TASL: variants seen among roughly 807,000 people sequenced by gnomAD.
TASL encodes TLR adaptor interacting with endolysosomal SLC15A4, also known as TLR adapter interacting with SLC15A4 on the lysosome.
In TASL, 6 loss-of-function variants were observed where a neutral mutation model predicts 12.9. The ratio of observed to expected loss-of-function variants is 0.46; its 90% confidence interval spans 0.25 to 0.92. The LOEUF (loss-of-function observed/expected upper bound fraction) is 0.92. Among genes scored for constraint, TASL ranks in the 40% least tolerant of loss-of-function variants. TASL has a pLI of 0.17. For missense variants in TASL, 165 were observed against 212.8 expected (o/e 0.78, Z 1.40); for synonymous variants, 85 against 79.3 (o/e 1.07, Z -0.38).
rs1451854029 is a variant in TASL, at chrX:30,566,449, G to A, written c.-1-6093C>T. ...TTGAACCCAGGAGGTGGAGGTTGCA[G>A]TGAGCCGAGATTGAGCCACTGCACT... On this transcript the variant is annotated intron_variant, in intron 2 of 2. Transcript: ENST00000378962. Among the ~76,000 whole-genome samples, 11 of 111,425 alleles carry A rather than the reference G, an allele frequency of 9.9e-5. No homozygotes were observed. The East Asian group carries it at 3.1e-3, about 32-fold the overall frequency.
chrX:30,560,144 C>G lies in TASL; in HGVS notation c.212G>C (p.Arg71Thr), dbSNP rs1156520654. Reference sequence around the variant, plus strand: ...CTGACTTCTGCTATGTTGGCTCTCTCTTGAATGCACTGAAGAGATAAACTT... The same window carrying G: ...CTGACTTCTGCTATGTTGGCTCTCTGTTGAATGCACTGAAGAGATAAACTT... The part of the protein sequence containing the change: ...SGKFISSVHS[R>T]ESQHSRSQRV... The change falls in exon 3 of 3, where the codon AGA becomes ACA. Residue 71 changes from arginine (R) to threonine (T), a missense_variant. Physicochemically the swap from Arg to Thr is moderately conservative, Grantham distance 71 (BLOSUM62 -1). Coordinates refer to ENST00000378962, the MANE Select transcript of TASL (RefSeq NM_025159.3). 1.3e-5 allele frequency: 16 copies of G among 1,210,092 alleles called. No homozygotes were observed. Among genetic ancestry groups the G allele is most frequent in the Non-Finnish European group, 1.8e-5 (16 of 894,457 alleles).
At chrX:30,563,817 G>C (rs1487857135) in intron 2 of TASL, among the ~76,000 whole-genome samples, 4 of 111,935 alleles carry the variant, frequency 3.6e-5, no homozygotes, top group African/African-American at 1.3e-4. Context: ...TTCTAGGCAG[G>C]ATATTGGGAA....
At chrX:30,576,095 C>T (rs1930700217) in intron 2 of TASL, among the ~76,000 whole-genome samples, 1 of 111,713 alleles carries the variant, frequency 9.0e-6, no homozygotes, top group Non-Finnish European at 1.9e-5. Context: ...ATGTCAACTA[C>T]AAATGCAATG....
intron 2 of TASL, among the ~76,000 whole-genome samples, chrX:30,572,810 G>A (rs1457525547): frequency 1.8e-5 from 2 of 111,859 alleles, no homozygotes; most frequent in Non-Finnish European, 3.8e-5. Flanking sequence ...AGCCCTGCTG[G>A]CCTAGCAGGA....
intron 2 of TASL, among the ~76,000 whole-genome samples, chrX:30,575,460 C>T (rs943043585): frequency 9.0e-6 from 1 of 111,452 alleles, no homozygotes; most frequent in African/African-American, 3.3e-5. Context: ...GAAATAATCA[C>T]TTAATCACAT....
At chrX:30,570,685 A>G (rs1930580513) in intron 2 of TASL, among the ~76,000 whole-genome samples, 1 of 112,169 alleles carries the variant, frequency 8.9e-6, no homozygotes, top group South Asian at 3.7e-4. Flanking sequence ...CAGAATCAAA[A>G]TTAATTTCTG....
intron 2 of TASL, among the ~76,000 whole-genome samples, chrX:30,568,970 CAAAAAA>C (rs58377097): frequency 1.3e-5 from 1 of 76,320 alleles, no homozygotes; most frequent in African/African-American, 4.8e-5. Context: ...ACGTCCCCAG[CAAAAAA>C]AAAAAAAAAA....
chrX:30,560,389 A>G, intron 2 of TASL, 33 bp from the exon 3 acceptor site: 1 of 1,030,282 alleles, frequency 9.7e-7, no homozygotes, highest in Admixed American at 3.2e-5. Context: ...AGAATGGGGA[A>G]AAAGAATACT....
intron 2 of TASL, among the ~76,000 whole-genome samples, chrX:30,560,863 G>T (rs186134384): frequency 1.8e-5 from 2 of 110,757 alleles, no homozygotes; most frequent in East Asian, 2.8e-4. Flanking sequence ...GGGAAAATAG[G>T]CTGAAATTGG....
chrX:30,560,872 G>A (rs1026529856), intron 2 of TASL, among the ~76,000 whole-genome samples: 1 of 110,877 alleles, frequency 9.0e-6, no homozygotes, highest in Non-Finnish European at 1.9e-5. Context: ...GGCTGAAATT[G>A]GATCGTGAAG....
At chrX:30,575,291 A>G in intron 2 of TASL, among the ~76,000 whole-genome samples, 1 of 111,717 alleles carries the variant, frequency 9.0e-6, no homozygotes. Flanking sequence ...AATTATGATA[A>G]TGTAACCAAA....
At chrX:30,570,236 T>TCACA (rs139566030) in intron 2 of TASL, among the ~76,000 whole-genome samples, 3,713 of 99,709 alleles carry the variant, frequency 0.037, 162 homozygotes, top group African/African-American at 0.12. Flanking sequence ...ACTCTCTCTC[T>TCACA]CACACACACA....
chrX:30,576,405 G>T (rs1161019849), intron 2 of TASL, among the ~76,000 whole-genome samples: 1 of 111,313 alleles, frequency 9.0e-6, no homozygotes, highest in African/African-American at 3.3e-5. Context: ...TAGAGAGAGA[G>T]AAAAGGACAG....
intron 2 of TASL, among the ~76,000 whole-genome samples, chrX:30,572,296 A>C (rs898711567): frequency 8.0e-5 from 9 of 112,373 alleles, no homozygotes; most frequent in African/African-American, 2.9e-4. Context: ...TTAGTTTTTC[A>C]GAAAGCTGTT....
rs779094479 is a variant in TASL, at chrX:30,566,375, C to T, written c.-1-6019G>A. Among the ~76,000 whole-genome samples the T allele has an allele frequency of 8.2e-5, 9 of 110,397 alleles. No homozygotes were observed. In the South Asian group the frequency reaches 3.6e-3, roughly 44 times the overall value. ...TACAAAAATTAGCCAGGCATGGTGG[C>T]GCATGCCTGCAATCCCAGCTACTCA... is the stretch of plus-strand genomic sequence containing the variant. On this transcript the variant is annotated intron_variant, in intron 2 of 2. Coordinates refer to ENST00000378962, the MANE Select transcript of TASL (RefSeq NM_025159.3).
intron 2 of TASL, among the ~76,000 whole-genome samples, chrX:30,562,933 TACACACACAAAA>T (rs1285956163): frequency 1.2e-5 from 1 of 84,667 alleles, no homozygotes; most frequent in African/African-American, 4.4e-5. Context: ...CACACACAAA[TACACACACAAAA>T]AAAAAACAAC....
At chrX:30,572,047 G>A (rs976771471) in intron 2 of TASL, among the ~76,000 whole-genome samples, 1 of 110,807 alleles carries the variant, frequency 9.0e-6, no homozygotes, top group Non-Finnish European at 1.9e-5. Context: ...TATATAAAAT[G>A]TATAAAATTC....
At chrX:30,560,407 T>C (rs1294275857) in intron 2 of TASL, 51 bp from the exon 3 acceptor site, 1 of 933,072 alleles carries the variant, frequency 1.1e-6, no homozygotes, top group South Asian at 2.5e-5. Flanking sequence ...ACTGAAATTT[T>C]AGAAGTTGGC....
intron 2 of TASL, among the ~76,000 whole-genome samples, chrX:30,571,274 G>GAAAGAAAGAAAGAAAGAAAGAAAA (rs1569306104): frequency 1.7e-5 from 1 of 59,947 alleles, no homozygotes; most frequent in African/African-American, 5.5e-5. Context: ...AAGAAAGAAA[G>GAAAGAAAGAAAGAAAGAAAGAAAA]AAAGAAAGAA....
Sources: gnomAD v4.1 joint callset for allele counts (sites outside exome capture counted in the v4.1 genomes callset) on GRCh38, gnomAD v4.1.1 for gene constraint, MANE v1.5 for transcripts, NCBI Gene and HGNC (gene_info 2026-07-23, HGNC 2026-07-21) for gene names.